Variants in PHF24 observed in about 807,000 individuals in gnomAD.
PHF24 encodes PHD finger protein 24, also known as Galpha inhibitory interacting protein.
A neutral mutation model predicts 42.6 loss-of-function variants in PHF24; 25 were observed. The observed-to-expected ratio is 0.59, with a 90% CI of 0.43 to 0.82. The LOEUF (loss-of-function observed/expected upper bound fraction) is 0.82. Ranked by LOEUF, PHF24 falls within the 40% of genes least tolerant of loss-of-function variation. The pLI is 0.00. For synonymous variants in PHF24, 185 were observed against 204.8 expected (o/e 0.90, Z 0.83); for missense variants, 470 against 538.1 (o/e 0.87, Z 1.25).
the PHF24 span, chr9:34,895,042 T>C: frequency 1.5e-5 from 6 of 398,564 alleles, no homozygotes; most frequent in Admixed American, 1.3e-4. Context: ...ACTTTACCTC[T>C]TGATGTTCTA....
the PHF24 span, among the ~76,000 whole-genome samples, chr9:34,715,173 G>A: frequency 3.9e-5 from 6 of 152,062 alleles, no homozygotes; most frequent in South Asian, 2.1e-4. Flanking sequence ...AAAATCCAGC[G>A]CAGAAAACAG....
At chr9:34,732,733 C>T in the PHF24 span, among the ~76,000 whole-genome samples, 1 of 152,068 alleles carries the variant, frequency 6.6e-6, no homozygotes, top group African/African-American at 2.4e-5. Context: ...CCTCAATACT[C>T]CTGTATCTTT....
At chr9:34,742,366 C>T in the PHF24 span, among the ~76,000 whole-genome samples, 1 of 152,084 alleles carries the variant, frequency 6.6e-6, no homozygotes, top group Admixed American at 6.5e-5. Context: ...GACCAATGAC[C>T]TTGGACTCTG....
the PHF24 span, among the ~76,000 whole-genome samples, chr9:34,903,534 C>T: frequency 6.6e-6 from 1 of 152,176 alleles, no homozygotes; most frequent in Admixed American, 6.5e-5. Flanking sequence ...CCACTGCATT[C>T]CAGCCCAAGC....
chr9:34,698,262 G>T, the PHF24 span, among the ~76,000 whole-genome samples: 2 of 152,190 alleles, frequency 1.3e-5, no homozygotes, highest in Non-Finnish European at 2.9e-5. Context: ...TTCACAGGCG[G>T]ATTCTATAAA....
chr9:34,782,422 C>T, the PHF24 span, among the ~76,000 whole-genome samples: 3 of 152,170 alleles, frequency 2.0e-5, no homozygotes, highest in Non-Finnish European at 4.4e-5. Flanking sequence ...GCCTCCCTCA[C>T]CCCACCAAAT....
At chr9:34,940,595 A>G in the PHF24 span, among the ~76,000 whole-genome samples, 1 of 152,142 alleles carries the variant, frequency 6.6e-6, no homozygotes. Flanking sequence ...CTCCGAAAAA[A>G]TAAAATAAGT....
chr9:34,830,994 C>T, the PHF24 span, among the ~76,000 whole-genome samples: 1 of 152,182 alleles, frequency 6.6e-6, no homozygotes, highest in African/African-American at 2.4e-5. Context: ...GCCAGAGTCC[C>T]ACCACCTCAG....
intron 3 of PHF24, among the ~76,000 whole-genome samples, chr9:34,974,492 C>T (rs1332249014): frequency 6.6e-6 from 1 of 152,126 alleles, no homozygotes; most frequent in Non-Finnish European, 1.5e-5. Context: ...GTTAACATTA[C>T]CTCCCACATT....
At chr9:34,802,211 G>C in the PHF24 span, among the ~76,000 whole-genome samples, 1 of 151,888 alleles carries the variant, frequency 6.6e-6, no homozygotes, top group Non-Finnish European at 1.5e-5. Flanking sequence ...CTCTCCTCTG[G>C]AGACCTTCCC....
the PHF24 span, chr9:34,666,096 G>T: frequency 9.3e-6 from 2 of 215,592 alleles, no homozygotes; most frequent in Non-Finnish European, 1.9e-5. Flanking sequence ...AGGTTTGCCT[G>T]TCCCCCGGAA....
At chr9:34,963,912 G>A (rs1158062514) in intron 1 of PHF24, among the ~76,000 whole-genome samples, 1 of 152,192 alleles carries the variant, frequency 6.6e-6, no homozygotes, top group Non-Finnish European at 1.5e-5. Flanking sequence ...AAAGAGAAAA[G>A]ACACTATGAT....
At chr9:34,690,176 G>A in the PHF24 span, 9 of 1,612,400 alleles carry the variant, frequency 5.6e-6, no homozygotes, top group African/African-American at 9.4e-5. Flanking sequence ...GGCTAAAACG[G>A]GAGATGAGGC....
At chr9:34,815,122 C>T in the PHF24 span, among the ~76,000 whole-genome samples, 1 of 152,224 alleles carries the variant, frequency 6.6e-6, no homozygotes, top group South Asian at 2.1e-4. Flanking sequence ...ATCTTGAATA[C>T]TGGAGCAACA....
At chr9:34,831,124 G>A in the PHF24 span, among the ~76,000 whole-genome samples, 1 of 152,172 alleles carries the variant, frequency 6.6e-6, no homozygotes, top group African/African-American at 2.4e-5. Context: ...CAGCCAAGGT[G>A]ATTGGCTTCA....
chr9:34,882,923 A>G, the PHF24 span, among the ~76,000 whole-genome samples: 2 of 152,346 alleles, frequency 1.3e-5, no homozygotes, highest in Admixed American at 1.3e-4. Context: ...CTAAGCCAAA[A>G]GAACAAAGCT....
chr9:34,773,192 G>A, the PHF24 span, among the ~76,000 whole-genome samples: 1 of 152,144 alleles, frequency 6.6e-6, no homozygotes, highest in East Asian at 1.9e-4. Flanking sequence ...GTTTCTCCAT[G>A]TTGGTCAGGC....
chr9:34,723,524 G>A, the PHF24 span: 1 of 1,551,804 alleles, frequency 6.4e-7, no homozygotes, highest in Non-Finnish European at 8.7e-7. Context: ...CACCTTCGCA[G>A]CGGCTGAGAA....
At chr9:34,722,975 A>T in the PHF24 span, 17 of 452,896 alleles carry the variant, frequency 3.8e-5, no homozygotes, top group Non-Finnish European at 5.4e-5. Flanking sequence ...CCTTCCCTAG[A>T]CAGGAAGGAC....
Sources: allele counts gnomAD v4.1 joint callset (sites outside exome capture counted in the v4.1 genomes callset), GRCh38; gene constraint gnomAD v4.1.1; transcripts MANE v1.5; gene names NCBI Gene and HGNC (gene_info 2026-07-23, HGNC 2026-07-21).